Variants in HIF1AN observed in about 807,000 individuals in gnomAD.
HIF1AN encodes hypoxia inducible factor 1 subunit alpha inhibitor, also known as hypoxia-inducible factor 1-alpha inhibitor.
In HIF1AN, 21 loss-of-function variants were observed where a neutral mutation model predicts 47.7. That is an observed-to-expected ratio of 0.44 (90% CI 0.31 to 0.63). The LOEUF is 0.63. Among genes scored for constraint, HIF1AN ranks in the 30% least tolerant of loss-of-function variants. The probability of loss-of-function intolerance (pLI) is 0.07; values close to 1 mark genes in which losing one functional copy is unlikely to be tolerated. For synonymous variants in HIF1AN, 152 were observed against 155.9 expected (o/e 0.98, Z 0.18); for missense variants, 320 against 432.7 (o/e 0.74, Z 2.31).
rs1207587782 is a variant in HIF1AN at position 100,554,470 on chromosome 10, CTT to C, written c.*6334_*6335del. The C allele has an allele frequency of 2.6e-5, 4 of 151,824 alleles. No homozygotes were observed. The highest frequency in any genetic ancestry group is 5.9e-5 in the Non-Finnish European group (4 of 67,972). 9.4% of individuals were successfully genotyped at this position (151,824 alleles called of 1,614,324 possible). A position where few individuals can be genotyped will look rare whatever the true frequency, so the allele number is the denominator to read the frequency against. ...TGGGCAGCATAGTGAGACCCCTTCT[CTT>C]AATAATTTTTTTTGAAAATAATTTT... On this transcript the variant is annotated 3_prime_UTR_variant, in exon 8 of 8. Coordinates refer to ENST00000299163, the MANE Select transcript of HIF1AN (RefSeq NM_017902.3).
intron 2 of HIF1AN, among the ~76,000 whole-genome samples, chr10:100,540,284 G>A (rs1031598907): frequency 6.7e-6 from 1 of 150,080 alleles, no homozygotes; most frequent in African/African-American, 2.5e-5. Context: ...TTGGGGGCCA[G>A]ATGCAGTGTC....
chr10:100,549,389 T>TATCTGTGATC lies in HIF1AN; in HGVS notation c.*1253_*1254insTCTGTGATCA. The TATCTGTGATC allele has an allele frequency of 6.6e-6, 1 of 152,414 alleles. No individual in the cohort carries two copies. The highest frequency in any genetic ancestry group is 6.5e-5 in the Admixed American group (1 of 15,300). The allele number at this position is 152,414 out of a possible 1,614,324, so 9.4% of individuals were successfully genotyped here. A position where few individuals can be genotyped will look rare whatever the true frequency, so the allele number is the denominator to read the frequency against. ...GGTCAAGCCCAGGCAGCTCATTCAC[T>TATCTGTGATC]ACCTGTGATCCACCTCAGGGCACGG... On this transcript the variant is annotated 3_prime_UTR_variant, in exon 8 of 8. Coordinates refer to ENST00000299163, the MANE Select transcript of HIF1AN (RefSeq NM_017902.3).
chr10:100,541,537 G>C (rs1409944860), intron 3 of HIF1AN, among the ~76,000 whole-genome samples: 1 of 152,038 alleles, frequency 6.6e-6, no homozygotes, highest in Admixed American at 6.6e-5. Context: ...GTCTCACTCT[G>C]TTGCCTAGGC....
Position 100,544,974 on chromosome 10 carries a change from G to T in HIF1AN, c.601G>T (p.Asp201Tyr). Reference sequence around the variant, plus strand: ...AGGAAATGTGACACCTGCTCACTATGATGAGCAGCAGAACTTTTTTGCTCA... The same window carrying T: ...AGGAAATGTGACACCTGCTCACTATTATGAGCAGCAGAACTTTTTTGCTCA... ...MEGNVTPAHY[D>Y]EQQNFFAQIK... The change falls in exon 4 of 8, where the codon GAT (aspartate) becomes TAT (tyrosine). Residue 201 changes from aspartate (D) to tyrosine (Y), a missense_variant. Asp to Tyr is a radical substitution (Grantham distance 160). Around this residue, in one of 2 missense-constraint regions of HIF1AN, gnomAD observed 161 missense variants for 272.8 expected, o/e 0.59. Transcript: ENST00000299163. 6.2e-7 allele frequency: 1 copy of T among 1,614,066 alleles called. No homozygotes were observed. The highest frequency in any genetic ancestry group is 8.5e-7 in the Non-Finnish European group (1 of 1,179,900).
rs973097788 is a variant in HIF1AN at position 100,555,193 on chromosome 10, G to C, written c.*7056G>C. On this transcript the variant is annotated 3_prime_UTR_variant, in exon 8 of 8. Transcript: ENST00000299163. The stretch of plus-strand genomic sequence containing the variant: ...CTTCCCAATGCCTAAGGGTTTTGTC[G>C]TACCTTACTCCAGGGAATGGGTGAG... The C allele has an allele frequency of 6.6e-6, 1 of 152,172 alleles. No individual in the cohort carries two copies. The highest frequency in any genetic ancestry group is 2.4e-5 in the African/African-American group (1 of 41,422). The allele number at this position is 152,172 out of a possible 1,614,324, so 9.4% of individuals were successfully genotyped here.
Position 100,536,589 on chromosome 10 carries a change from A to C in HIF1AN, c.356A>C (p.Asn119Thr), listed in dbSNP as rs1852225090. Reference protein sequence around the residue: ...ANFQNFKPRSNREEMKFHEFV... With the variant: ...ANFQNFKPRSTREEMKFHEFV... Reference sequence around the variant, plus strand: ...TTCCAGAACTTTAAGCCGAGGTCCAACAGGGAAGAAATGAAATTTCATGAG... The same window carrying C: ...TTCCAGAACTTTAAGCCGAGGTCCACCAGGGAAGAAATGAAATTTCATGAG... The change falls in exon 2 of 8, where the codon AAC becomes ACC. Residue 119 changes from asparagine to threonine, a missense_variant. Transcript: ENST00000299163. 6.2e-7 allele frequency: 1 copy of C among 1,614,134 alleles called. No individual in the cohort carries two copies. Among genetic ancestry groups the C allele is most frequent in the Non-Finnish European group, 8.5e-7 (1 of 1,180,050 alleles).
rs781232349 is a variant in HIF1AN, at chr10:100,556,961, C to G, written c.*8824C>G. 2 of 152,230 alleles carry G rather than the reference C, an allele frequency of 1.3e-5. No homozygotes were observed. The highest frequency in any genetic ancestry group is 1.9e-4 in the East Asian group (1 of 5,200). 9.4% of individuals were successfully genotyped at this position (152,230 alleles called of 1,614,324 possible). On this transcript the variant is annotated 3_prime_UTR_variant, in exon 8 of 8. Coordinates refer to ENST00000299163, the MANE Select transcript of HIF1AN (RefSeq NM_017902.3). ...GCAGCAAGGCTTTTCTGATCCTACT[C>G]TGACTCTCAAGATAATGGTGCTTGA... is the stretch of plus-strand genomic sequence containing the variant.
intron 7 of HIF1AN, 150 bp downstream of exon 7, chr10:100,547,400 C>G (rs1843104768): frequency 1.7e-6 from 1 of 590,060 alleles, no homozygotes; most frequent in African/African-American, 1.9e-5. Context: ...TTCTTGTTTT[C>G]TGGTGATAGC....
At chr10:100,536,260 G>A in intron 1 of HIF1AN, 125 bp downstream of exon 1, 1 of 1,284,676 alleles carries the variant, frequency 7.8e-7, no homozygotes, top group Non-Finnish European at 1.1e-6. Flanking sequence ...AAGATGGAGA[G>A]AAAGGCGAGG....
chr10:100,541,770 A>G (rs1456958996), intron 3 of HIF1AN, among the ~76,000 whole-genome samples: 1 of 152,204 alleles, frequency 6.6e-6, no homozygotes, highest in Non-Finnish European at 1.5e-5. Flanking sequence ...CCTCTCTGAA[A>G]TACAGACATG....
intron 2 of HIF1AN, 110 bp downstream of exon 2, chr10:100,536,771 A>G (rs1454424563): frequency 2.7e-5 from 32 of 1,207,150 alleles, no homozygotes; most frequent in Non-Finnish European, 3.8e-5. Context: ...GGCCTCTCCC[A>G]TCTCTGGATT....
chr10:100,540,536 G>A (rs1843015753), intron 2 of HIF1AN, 98 bp from the exon 3 acceptor site: 1 of 1,334,214 alleles, frequency 7.5e-7, no homozygotes, highest in Non-Finnish European at 1.0e-6. Context: ...TGTGGGAGAT[G>A]CTGGTATGGA....
At chr10:100,546,110 C>T in intron 5 of HIF1AN, 61 bp downstream of exon 5, 1 of 1,154,880 alleles carries the variant, frequency 8.7e-7, no homozygotes. Flanking sequence ...CCCTGGAAAG[C>T]CTTGTCTGTG....
intron 2 of HIF1AN, among the ~76,000 whole-genome samples, chr10:100,538,905 C>CTT (rs371921651): frequency 2.0e-4 from 23 of 112,760 alleles, no homozygotes; most frequent in African/African-American, 3.3e-4. Context: ...TTGAACCTTT[C>CTT]TTTTTTTTTT....
Position 100,550,657 on chromosome 10 carries a change from G to C in HIF1AN, c.*2520G>C, listed in dbSNP as rs1413746680. 6.6e-6 allele frequency: 1 copy of C among 152,160 alleles called. No individual in the cohort carries two copies. Among genetic ancestry groups the C allele is most frequent in the Non-Finnish European group, 1.5e-5 (1 of 68,054 alleles). 9.4% of individuals were successfully genotyped at this position (152,160 alleles called of 1,614,324 possible). A position where few individuals can be genotyped will look rare whatever the true frequency, so the allele number is the denominator to read the frequency against. On this transcript the variant is annotated 3_prime_UTR_variant, in exon 8 of 8. Transcript: ENST00000299163. Reference sequence around the variant, plus strand: ...TCTGGGCTCCTGCTAACAAAGTCTTGGAAAAACTGCCTGGGAAGCCATATT... The same window carrying C: ...TCTGGGCTCCTGCTAACAAAGTCTTCGAAAAACTGCCTGGGAAGCCATATT...
At chr10:100,538,048 G>A (rs753232571) in intron 2 of HIF1AN, among the ~76,000 whole-genome samples, 3 of 152,218 alleles carry the variant, frequency 2.0e-5, no homozygotes, top group Non-Finnish European at 4.4e-5. Context: ...TGCTGTTGGA[G>A]TGTGTAATTC....
At chr10:100,536,202 G>T in intron 1 of HIF1AN, 67 bp downstream of exon 1, 1 of 1,459,632 alleles carries the variant, frequency 6.9e-7, no homozygotes, top group Non-Finnish European at 9.3e-7. Flanking sequence ...AGAGGTGAAT[G>T]GTGAAAGAGA....
chr10:100,546,440 G>GGC, intron 5 of HIF1AN, 78 bp from the exon 6 acceptor site: 1 of 750,758 alleles, frequency 1.3e-6, no homozygotes, highest in Non-Finnish European at 2.2e-6. Flanking sequence ...GCCCAACCCT[G>GGC]CCACCCCCCC....
rs1843203259 is a variant in HIF1AN, at chr10:100,555,014, A to G, written c.*6877A>G. On this transcript the variant is annotated 3_prime_UTR_variant, in exon 8 of 8. Transcript: ENST00000299163. Reference sequence around the variant, plus strand: ...GTTAGAATTATGGTGTATAGAGGAGAAGCATTGCACTATGTCCAGTTTTTT... The same window carrying G: ...GTTAGAATTATGGTGTATAGAGGAGGAGCATTGCACTATGTCCAGTTTTTT... The G allele has an allele frequency of 6.6e-6, 1 of 152,120 alleles. No individual in the cohort carries two copies. Among genetic ancestry groups the G allele is most frequent in the Non-Finnish European group, 1.5e-5 (1 of 68,044 alleles). The allele number at this position is 152,120 out of a possible 1,614,324, so 9.4% of individuals were successfully genotyped here. A position where few individuals can be genotyped will look rare whatever the true frequency, so the allele number is the denominator to read the frequency against.
Sources: allele counts gnomAD v4.1 joint callset (sites outside exome capture counted in the v4.1 genomes callset), GRCh38; gene constraint gnomAD v4.1.1; regional missense constraint gnomAD v4.1.1; transcripts MANE v1.5; gene names NCBI Gene and HGNC (gene_info 2026-07-23, HGNC 2026-07-21).